MGLL: variants seen among roughly 807,000 people sequenced by gnomAD.
The protein encoded by MGLL is lysophospholipase homolog.
A neutral mutation model predicts 29.1 loss-of-function variants in MGLL; 7 were observed. That is an observed-to-expected ratio of 0.24 (90% confidence interval 0.14 to 0.45). The LOEUF (loss-of-function observed/expected upper bound fraction) is 0.45, where lower values mean the gene tolerates loss of function less well. MGLL is among the 20% of genes least tolerant of loss of function. The probability of loss-of-function intolerance (pLI) is 0.99; values close to 1 mark genes in which losing one functional copy is unlikely to be tolerated. For missense variants in MGLL, 356 were observed against 413.6 expected (o/e 0.86, Z 1.21); for synonymous variants, 148 against 168.3 (o/e 0.88, Z 0.93).
At chr3:127,813,086 T>C (rs1003687631) in intron 2 of MGLL, among the ~76,000 whole-genome samples, 1 of 152,182 alleles carries the variant, frequency 6.6e-6, no homozygotes, top group Non-Finnish European at 1.5e-5. Context: ...CTGGGAAAAT[T>C]GACATGCCTT....
intron 6 of MGLL, among the ~76,000 whole-genome samples, chr3:127,696,255 C>G (rs923668017): frequency 6.6e-6 from 1 of 152,178 alleles, no homozygotes; most frequent in Non-Finnish European, 1.5e-5. Flanking sequence ...GTCTGGGTTT[C>G]TGGCTTCACT....
At chr3:127,733,687 T>TA (rs1438318273) in intron 3 of MGLL, among the ~76,000 whole-genome samples, 3 of 152,120 alleles carry the variant, frequency 2.0e-5, no homozygotes, top group Non-Finnish European at 2.9e-5. Flanking sequence ...TTGCATTTTT[T>TA]AAAAAATGGC....
At chr3:127,737,155 G>A (rs993193758) in intron 3 of MGLL, among the ~76,000 whole-genome samples, 3 of 151,930 alleles carry the variant, frequency 2.0e-5, no homozygotes, top group Admixed American at 2.0e-4. Flanking sequence ...GGGCCACTTT[G>A]GTCTGTAGCC....
At chr3:127,738,275 T>C (rs1186218791) in intron 3 of MGLL, among the ~76,000 whole-genome samples, 1 of 151,192 alleles carries the variant, frequency 6.6e-6, no homozygotes, top group East Asian at 1.9e-4. Flanking sequence ...CACTCCAGCC[T>C]GGGTGACAGA....
chr3:127,722,322 C>G, intron 4 of MGLL, 108 bp downstream of exon 4: 4 of 1,491,938 alleles, frequency 2.7e-6, no homozygotes, highest in Non-Finnish European at 3.7e-6. Flanking sequence ...AGACATCATG[C>G]CAGCCAGGCA....
chr3:127,782,033 C>G lies in MGLL; in HGVS notation c.156-138G>C, dbSNP rs936650463. On this transcript the variant is annotated intron_variant, in intron 2 of 7. Coordinates refer to ENST00000265052, the MANE Select transcript of MGLL (RefSeq NM_007283.7). The stretch of plus-strand genomic sequence containing the variant: ...CTCAGGAGTTTGAGACCAGCCTGAC[C>G]AACATAGTGAAACCCCACCTCTACT... The G allele has an allele frequency of 1.8e-4, 139 of 764,850 alleles. 1 individual carries two copies. In the African/African-American group the frequency reaches 1.9e-3, roughly 11 times the overall value. 47.4% of individuals were successfully genotyped at this position (764,850 alleles called of 1,614,324 possible).
At chr3:127,695,822 A>T (rs2075349670) in intron 6 of MGLL, among the ~76,000 whole-genome samples, 1 of 152,242 alleles carries the variant, frequency 6.6e-6, no homozygotes, top group Non-Finnish European at 1.5e-5. Flanking sequence ...TATTGTTCAC[A>T]TCAATTATTT....
intron 2 of MGLL, among the ~76,000 whole-genome samples, chr3:127,817,971 C>T (rs965575263): frequency 1.1e-3 from 169 of 152,152 alleles, no homozygotes; most frequent in African/African-American, 3.5e-3. Context: ...CCCCCTTTTT[C>T]TTTTTTTGAG....
chr3:127,706,146 G>A (rs1217755177), intron 6 of MGLL, among the ~76,000 whole-genome samples: 3 of 152,130 alleles, frequency 2.0e-5, no homozygotes, highest in Admixed American at 6.5e-5. Flanking sequence ...GCACCGCCAC[G>A]GGCACAGCAG....
intron 3 of MGLL, among the ~76,000 whole-genome samples, chr3:127,742,021 C>T (rs567859546): frequency 6.6e-6 from 1 of 152,260 alleles, no homozygotes; most frequent in East Asian, 1.9e-4. Flanking sequence ...CTGAAATGAA[C>T]ATCTTTTTAC....
chr3:127,810,705 T>C (rs2077647292), intron 2 of MGLL, among the ~76,000 whole-genome samples: 1 of 152,232 alleles, frequency 6.6e-6, no homozygotes, highest in Admixed American at 6.5e-5. Context: ...CAGCAAGAGC[T>C]AGTGCCATGG....
intron 3 of MGLL, among the ~76,000 whole-genome samples, chr3:127,734,523 A>G (rs2076210230): frequency 6.6e-6 from 1 of 152,164 alleles, no homozygotes; most frequent in Non-Finnish European, 1.5e-5. Flanking sequence ...GCTCCTTCGC[A>G]GGTGCCAACC....
intron 5 of MGLL, among the ~76,000 whole-genome samples, chr3:127,717,193 TTGAAAGAGTGGCCA>T (rs2075832519): frequency 6.6e-6 from 1 of 152,198 alleles, no homozygotes; most frequent in Admixed American, 6.5e-5. Flanking sequence ...CACCTGAAGC[TTGAAAGAGTGGCCA>T]TGTTCCACTT....
intron 3 of MGLL, among the ~76,000 whole-genome samples, chr3:127,773,859 G>A (rs905541955): frequency 2.6e-5 from 4 of 152,104 alleles, no homozygotes; most frequent in African/African-American, 9.7e-5. Context: ...TTTATTCCTA[G>A]GGTCGCCACC....
intron 6 of MGLL, among the ~76,000 whole-genome samples, chr3:127,697,379 G>C (rs571500418): frequency 5.3e-5 from 8 of 152,310 alleles, no homozygotes; most frequent in Admixed American, 2.6e-4. Flanking sequence ...CTGTCTGCCC[G>C]GCACTAAGTG....
chr3:127,717,165 G>A (rs2075832181), intron 5 of MGLL, among the ~76,000 whole-genome samples: 1 of 152,186 alleles, frequency 6.6e-6, no homozygotes, highest in African/African-American at 2.4e-5. Flanking sequence ...CTAAGTTCCG[G>A]GATCCTGGGT....
intron 3 of MGLL, among the ~76,000 whole-genome samples, chr3:127,748,614 G>A (rs1321322726): frequency 1.3e-5 from 2 of 151,754 alleles, no homozygotes; most frequent in Non-Finnish European, 2.9e-5. Context: ...TAGATGGGGA[G>A]GACCATGTGA....
chr3:127,804,445 T>G (rs986733943), intron 2 of MGLL, among the ~76,000 whole-genome samples: 22 of 152,178 alleles, frequency 1.4e-4, no homozygotes, highest in African/African-American at 4.8e-4. Flanking sequence ...GACTCCCCAC[T>G]CCTGCCATGG....
At chr3:127,776,715 C>T (rs1337361890) in intron 3 of MGLL, among the ~76,000 whole-genome samples, 1 of 152,194 alleles carries the variant, frequency 6.6e-6, no homozygotes, top group Non-Finnish European at 1.5e-5. Flanking sequence ...TGAGGGGACC[C>T]GGCAGTGCCC....
Sources: gnomAD v4.1 joint callset for allele counts (sites outside exome capture counted in the v4.1 genomes callset) on GRCh38, gnomAD v4.1.1 for gene constraint, MANE v1.5 for transcripts, NCBI Gene and HGNC (gene_info 2026-07-23, HGNC 2026-07-21) for gene names.